SYT16: variants seen among roughly 807,000 people sequenced by gnomAD.
The protein encoded by SYT16 is synaptotagmin 16.
Under a neutral mutation model 61.4 loss-of-function variants are expected in SYT16, and 42 were observed. The observed-to-expected ratio is 0.68, with a 90% CI of 0.53 to 0.89. The LOEUF (loss-of-function observed/expected upper bound fraction) is 0.89, where lower values mean the gene tolerates loss of function less well. Ranked by LOEUF, SYT16 falls within the 40% of genes least tolerant of loss-of-function variation. SYT16 has a pLI of 0.00. For missense variants in SYT16, 804 were observed against 807.3 expected, an observed-to-expected ratio of 1.00 and a Z score of 0.05; for synonymous variants, 314 against 302.3, an observed-to-expected ratio of 1.04 and a Z score of -0.40.
chr14:61,930,862 G>A (rs1292654447), intron 1 of SYT16, among the ~76,000 whole-genome samples: 2 of 152,116 alleles, frequency 1.3e-5, no homozygotes, highest in Non-Finnish European at 2.9e-5. Flanking sequence ...AGGAATTTGA[G>A]CCACTTGTAG....
At chr14:61,924,429 TG>T (rs2049456398) in intron 1 of SYT16, among the ~76,000 whole-genome samples, 1 of 152,194 alleles carries the variant, frequency 6.6e-6, no homozygotes, top group African/African-American at 2.4e-5. Context: ...AGAGTAGAAG[TG>T]TTTGTAGCAG....
chr14:61,890,164 G>A (rs2048067810), intron 1 of SYT16, among the ~76,000 whole-genome samples: 1 of 152,146 alleles, frequency 6.6e-6, no homozygotes, highest in African/African-American at 2.4e-5. Flanking sequence ...AGACTGTGTG[G>A]GTACATTGGT....
intron 3 of SYT16, among the ~76,000 whole-genome samples, chr14:62,005,033 C>T (rs1240593098): frequency 6.6e-6 from 1 of 152,190 alleles, no homozygotes; most frequent in Non-Finnish European, 1.5e-5. Context: ...GGGATACTCA[C>T]CTCTGGCATC....
chr14:62,059,720 T>G (rs2055737478), intron 3 of SYT16, among the ~76,000 whole-genome samples: 1 of 148,140 alleles, frequency 6.8e-6, no homozygotes, highest in African/African-American at 2.5e-5. Context: ...TTTTTATATA[T>G]GTATAGCTAC....
In SYT16 at chr14:61,865,081, A is replaced by G. The variant is rs1009615771; in HGVS notation, c.-325+52271A>G. 3.6e-6 allele frequency: 5 copies of G among 1,374,902 alleles called. 1 individual carries two copies. The highest frequency in any genetic ancestry group is 3.4e-5 in the Admixed American group (2 of 59,400). The allele number at this position is 1,374,902 out of a possible 1,614,324, so 85.2% of individuals were successfully genotyped here. A position where few individuals can be genotyped will look rare whatever the true frequency, so the allele number is the denominator to read the frequency against. On this transcript the variant is annotated intron_variant, in intron 1 of 7. Transcript: ENST00000683842. ...GGCTCGACTGTGCAGCTTGCGGGAA[A>G]TGGCCCACTGTGACTCATCTGCTGG... is the stretch of plus-strand genomic sequence containing the variant.
At chr14:62,071,128 C>T (rs746636564) in intron 4 of SYT16, among the ~76,000 whole-genome samples, 2 of 152,200 alleles carry the variant, frequency 1.3e-5, no homozygotes, top group Non-Finnish European at 2.9e-5. Flanking sequence ...TATAACCAAA[C>T]CACAACATCA....
At chr14:62,026,953 A>C (rs1032817028) in intron 3 of SYT16, among the ~76,000 whole-genome samples, 4 of 152,106 alleles carry the variant, frequency 2.6e-5, no homozygotes, top group Admixed American at 1.3e-4. Flanking sequence ...TCAGAGACTT[A>C]AAATGTTTTT....
chr14:62,060,714 CT>C (rs1332543004), intron 3 of SYT16, among the ~76,000 whole-genome samples: 1 of 151,802 alleles, frequency 6.6e-6, no homozygotes, highest in East Asian at 1.9e-4. Flanking sequence ...TATTGGATTT[CT>C]TTTTTTAATA....
At chr14:62,022,662 CTA>C (rs1566773022) in intron 3 of SYT16, among the ~76,000 whole-genome samples, 1 of 151,912 alleles carries the variant, frequency 6.6e-6, no homozygotes, top group African/African-American at 2.4e-5. Flanking sequence ...ATGTCATACA[CTA>C]TTTGTGCTTT....
chr14:61,983,087 A>G (rs902451685), intron 2 of SYT16, among the ~76,000 whole-genome samples: 4 of 152,234 alleles, frequency 2.6e-5, no homozygotes, highest in Non-Finnish European at 5.9e-5. Context: ...TTTGAACAGA[A>G]TGAATTAGTA....
intron 3 of SYT16, among the ~76,000 whole-genome samples, chr14:62,052,311 A>G (rs2140892944): frequency 6.6e-6 from 1 of 152,296 alleles, no homozygotes; most frequent in Admixed American, 6.5e-5. Flanking sequence ...CATTCCAATT[A>G]TGGCTTTTTC....
Position 61,887,067 on chromosome 14 carries a change from C to T in SYT16, c.-325+74257C>T, listed in dbSNP as rs541718899. On this transcript the variant is annotated intron_variant, in intron 1 of 7. Coordinates refer to ENST00000683842, the MANE Select transcript of SYT16 (RefSeq NM_001367656.1). Reference sequence around the variant, plus strand: ...GAAATGTATTTCTTAAATAATAATACTTGAAAATTGAAATTCCTCCTTGAT... The same window carrying T: ...GAAATGTATTTCTTAAATAATAATATTTGAAAATTGAAATTCCTCCTTGAT... 7.2e-5 allele frequency among the ~76,000 whole-genome samples: 11 copies of T among 152,184 alleles called. No homozygotes were observed. In the South Asian group the frequency reaches 1.9e-3, roughly 26 times the overall value.
At chr14:61,919,891 G>A (rs946713711) in intron 1 of SYT16, among the ~76,000 whole-genome samples, 15 of 1,440 alleles carry the variant, frequency 0.01, no homozygotes, top group South Asian at 0.1. Context: ...GAACTCTGTC[G>A]TGGTGAAAAC....
intron 1 of SYT16, among the ~76,000 whole-genome samples, chr14:61,850,490 C>T (rs958479050): frequency 6.6e-6 from 1 of 152,076 alleles, no homozygotes; most frequent in Non-Finnish European, 1.5e-5. Context: ...GGTTTGTTAG[C>T]TGTTTGCATT....
At chr14:61,883,229 T>C (rs35893753) in intron 1 of SYT16, among the ~76,000 whole-genome samples, 5,295 of 152,306 alleles carry the variant, frequency 0.035, 137 homozygotes, top group Non-Finnish European at 0.057. Flanking sequence ...TTATGCAAAT[T>C]TCTGCAGCTG....
chr14:61,877,242 A>C (rs1352731896), intron 1 of SYT16, among the ~76,000 whole-genome samples: 1 of 152,112 alleles, frequency 6.6e-6, no homozygotes, highest in East Asian at 1.9e-4. Flanking sequence ...AATGGCAGGC[A>C]TGTGATGGTT....
At chr14:62,098,717 G>GA (rs1204448838) in intron 7 of SYT16, among the ~76,000 whole-genome samples, 4 of 152,264 alleles carry the variant, frequency 2.6e-5, no homozygotes, top group African/African-American at 9.6e-5. Context: ...GGTTAATAAG[G>GA]AAATCCCTCT....
chr14:61,945,717 G>A (rs570193456), intron 1 of SYT16, among the ~76,000 whole-genome samples: 12 of 151,950 alleles, frequency 7.9e-5, no homozygotes, highest in East Asian at 7.7e-4. Context: ...TTAGCCGGGC[G>A]TGGTGGCGGG....
chr14:61,881,146 C>A (rs780059336), intron 1 of SYT16, among the ~76,000 whole-genome samples: 1 of 152,190 alleles, frequency 6.6e-6, no homozygotes, highest in Non-Finnish European at 1.5e-5. Flanking sequence ...TGACTTGGCT[C>A]TTGCAAAGTT....
Sources: allele counts gnomAD v4.1 joint callset (sites outside exome capture counted in the v4.1 genomes callset), GRCh38; gene constraint gnomAD v4.1.1; transcripts MANE v1.5; gene names NCBI Gene and HGNC (gene_info 2026-07-23, HGNC 2026-07-21).